ADCK5: variants seen among roughly 807,000 people sequenced by gnomAD.
The protein encoded by ADCK5 is uncharacterized aarF domain-containing protein kinase 5.
In ADCK5, 43 loss-of-function variants were observed where a neutral mutation model predicts 64.9. The observed-to-expected ratio is 0.66, with a 90% CI of 0.52 to 0.85. ADCK5 has a LOEUF of 0.85. Ranked by LOEUF, ADCK5 falls within the 40% of genes least tolerant of loss-of-function variation. The pLI is 0.00. For missense variants in ADCK5, 760 were observed against 810.5 expected (o/e 0.94, Z 0.76); for synonymous variants, 434 against 342.8 (o/e 1.27, Z -2.94).
Position 144,392,171 on chromosome 8 carries a change from G to T in ADCK5, c.1175+1G>T. ...GGCTCTACCAGTTCCTGGAGGAGAA[G>T]TGAGCGCGGGTGGGTGGGCGTGGGG... On this transcript the variant is annotated splice_donor_variant, in intron 11 of 14. Transcript: ENST00000308860. LOFTEE classifies it high-confidence loss of function. 3.2e-6 allele frequency: 5 copies of T among 1,563,878 alleles called. No homozygotes were observed. Among genetic ancestry groups the T allele is most frequent in the Non-Finnish European group, 4.3e-6 (5 of 1,156,284 alleles).
intron 3 of ADCK5, among the ~76,000 whole-genome samples, chr8:144,386,427 G>C (rs1333500456): frequency 6.7e-6 from 1 of 149,942 alleles, no homozygotes; most frequent in East Asian, 2.0e-4. Context: ...GTGGGATCTC[G>C]GCTCACTGCA....
rs1554860865 is a variant in ADCK5 at position 144,391,959 on chromosome 8, A to G, written c.1033A>G (p.Lys345Glu). 4 of 1,612,706 alleles carry G rather than the reference A, an allele frequency of 2.5e-6. No homozygotes were observed. The highest frequency in any genetic ancestry group is 3.4e-6 in the Non-Finnish European group (4 of 1,179,982). The stretch of plus-strand genomic sequence containing the variant: ...TCCCCAGATAGCAGAAAAGCTCATC[A>G]AGGCCTTTGCTGAGCAGATATTTTA... ...AVHDIAEKLIKAFAEQIFYTG... is the reference protein window; with the variant it reads ...AVHDIAEKLIEAFAEQIFYTG... Residue 345 changes from lysine to glutamate, a missense_variant, in exon 10 of 15, where the codon AAG becomes GAG. Transcript: ENST00000308860.
At chr8:144,374,017 C>G (rs1451953585), upstream of ADCK5, 10 of 1,236,374 alleles carry the variant, frequency 8.1e-6, no homozygotes, top group South Asian at 4.1e-5. Context: ...GTGCGCACTA[C>G]GCGCCCTCCC....
In ADCK5 at chr8:144,393,120, A is replaced by C; in HGVS notation, c.*46A>C. The C allele has an allele frequency of 6.7e-7, 1 of 1,481,666 alleles. No homozygotes were observed. The highest frequency in any genetic ancestry group is 9.0e-7 in the Non-Finnish European group (1 of 1,115,128). 91.8% of individuals were successfully genotyped at this position (1,481,666 alleles called of 1,614,324 possible). ...GCGGGGCCCTTTTCACCTTGGGCTG[A>C]CGGAGGTGGCGGGGCTAGAGGTGTA... is the stretch of plus-strand genomic sequence containing the variant. On this transcript the variant is annotated 3_prime_UTR_variant, in exon 15 of 15. Coordinates refer to ENST00000308860, the MANE Select transcript of ADCK5 (RefSeq NM_174922.5).
Position 144,381,560 on chromosome 8 carries a change from A to C in ADCK5, c.117-1521A>C, listed in dbSNP as rs868976440. 8.6e-3 allele frequency among the ~76,000 whole-genome samples: 830 copies of C among 96,724 alleles called. 21 individuals are homozygous for C. Among genetic ancestry groups the C allele is most frequent in the African/African-American group, 0.031 (782 of 25,606 alleles). 63.5% of individuals were successfully genotyped at this position (96,724 alleles called of 152,430 possible). A position where few individuals can be genotyped will look rare whatever the true frequency, so the allele number is the denominator to read the frequency against. ...TGTAGAAACAGATGTGTGCTCAGGC[A>C]CCTGCCGCACTCAGGATTATGGGCC... is the stretch of plus-strand genomic sequence containing the variant. On this transcript the variant is annotated intron_variant, in intron 2 of 14. Coordinates refer to ENST00000308860, the MANE Select transcript of ADCK5 (RefSeq NM_174922.5).
rs782477111 is a variant in ADCK5 at position 144,391,591 on chromosome 8, G to A, written c.810G>A (p.Gly270=). 1.4e-5 allele frequency: 22 copies of A among 1,577,686 alleles called. 1 individual carries two copies. In the South Asian group the frequency reaches 2.4e-4, roughly 17 times the overall value. ...CATCTGGCCCCCAGGACCTGAAGGGGACCCTGGCCCAGGAGCTGGACTTCG... is the reference window on the plus strand; with the variant it reads ...CATCTGGCCCCCAGGACCTGAAGGGAACCCTGGCCCAGGAGCTGGACTTCG... The part of the protein sequence containing the change: ...GFSWVLQDLK[G]TLAQELDFEN... Residue 270 remains glycine (G), a synonymous_variant, in exon 8 of 15, where the codon GGG becomes GGA. Coordinates refer to ENST00000308860, the MANE Select transcript of ADCK5 (RefSeq NM_174922.5).
At position 144,392,432 on chromosome 8, in the gene ADCK5, C is replaced by A; in HGVS notation, c.1268-13C>A. ...TCAGAGCCCCCTCCCTCCCTCCCTC[C>A]CTCCCTCCCCAGACTACCTCCTGTT... On this transcript the variant is annotated splice_polypyrimidine_tract_variant and intron_variant, in intron 12 of 14. Coordinates refer to ENST00000308860, the MANE Select transcript of ADCK5 (RefSeq NM_174922.5). 1 of 1,472,274 alleles carries A rather than the reference C, an allele frequency of 6.8e-7. No homozygotes were observed. The highest frequency in any genetic ancestry group is 2.5e-5 in the East Asian group (1 of 40,036). 91.2% of individuals were successfully genotyped at this position (1,472,274 alleles called of 1,614,324 possible). A position where few individuals can be genotyped will look rare whatever the true frequency, so the allele number is the denominator to read the frequency against.
intron 3 of ADCK5, among the ~76,000 whole-genome samples, chr8:144,385,384 AT>A (rs1819872459): frequency 6.6e-6 from 1 of 151,458 alleles, no homozygotes; most frequent in South Asian, 2.1e-4. Context: ...GGGTTTCGTC[AT>A]GTTGGACAGG....
At chr8:144,388,575 C>G (rs7817189) in intron 3 of ADCK5, among the ~76,000 whole-genome samples, 31 of 151,498 alleles carry the variant, frequency 2.0e-4, no homozygotes, top group Non-Finnish European at 4.0e-4. Context: ...CCATCCTGGC[C>G]AACACGGTGA....
Position 144,374,126 on chromosome 8 carries a change from CG to C in ADCK5, c.12+23del, listed in dbSNP as rs1554856665. 1 of 1,248,528 alleles carries C rather than the reference CG, an allele frequency of 8.0e-7. No homozygotes were observed. Among genetic ancestry groups the C allele is most frequent in the Non-Finnish European group, 1.0e-6 (1 of 988,844 alleles). The allele number at this position is 1,248,528 out of a possible 1,614,324, so 77.3% of individuals were successfully genotyped here. Reference sequence around the variant, plus strand: ...GCGACCGGTGAGGACTCTCCCGGCCCGGGGCGCCCGAGATCCTGCACACCAG... The same window carrying C: ...GCGACCGGTGAGGACTCTCCCGGCCCGGGCGCCCGAGATCCTGCACACCAG... On this transcript the variant is annotated intron_variant, in intron 1 of 14. Coordinates refer to ENST00000308860, the MANE Select transcript of ADCK5 (RefSeq NM_174922.5).
rs546211953 is a variant in ADCK5, at chr8:144,383,202, G to T, written c.238G>T (p.Val80Leu). ...EAREKRRMRL[V>L]VDGMGRFGRS... ...ACGGGAGAAGAGGAGGATGCGGCTC[G>T]TGGTGGATGGCATGGGGCGCTTTGG... The change falls in exon 3 of 15, where the codon GTG becomes TTG. Residue 80 changes from valine to leucine, a missense_variant. By Grantham distance (32) the Val-to-Leu change is conservative (BLOSUM62 1). This residue lies in a region of ADCK5 where 427 missense variants were observed against 518.4 expected (regional missense o/e 0.82). Transcript: ENST00000308860. 1.3e-6 allele frequency: 2 copies of T among 1,594,088 alleles called. No individual in the cohort carries two copies. Among genetic ancestry groups the T allele is most frequent in the Non-Finnish European group, 1.7e-6 (2 of 1,170,118 alleles).
In ADCK5 at chr8:144,390,945, C is replaced by G. The variant is rs1554860320; in HGVS notation, c.432C>G (p.Leu144=). The part of the protein sequence containing the change: ...LVAGAISNGG[L]YVKLGQGLCS... ...CAGGGGCCATCAGCAACGGGGGCCT[C>G]TACGTGAAGCTGGGCCAGGGGCTGT... Residue 144 remains leucine, a synonymous_variant, in exon 5 of 15, where the codon CTC becomes CTG. Coordinates refer to ENST00000308860, the MANE Select transcript of ADCK5 (RefSeq NM_174922.5). 6.2e-7 allele frequency: 1 copy of G among 1,612,914 alleles called. No individual in the cohort carries two copies. The highest frequency in any genetic ancestry group is 2.2e-5 in the East Asian group (1 of 44,898).
intron 1 of ADCK5, among the ~76,000 whole-genome samples, chr8:144,377,683 G>A (rs533973808): frequency 1.6e-4 from 24 of 152,304 alleles, no homozygotes; most frequent in African/African-American, 5.3e-4. Context: ...GCTAGCTGCA[G>A]CATGTCCTCT....
At chr8:144,374,356 C>G (rs1166224806) in intron 1 of ADCK5, among the ~76,000 whole-genome samples, 1 of 152,158 alleles carries the variant, frequency 6.6e-6, no homozygotes, top group East Asian at 1.9e-4. Flanking sequence ...CAGGCGTGAC[C>G]GCTCCCGGCC....
intron 6 of ADCK5, 32 bp downstream of exon 6, chr8:144,391,306 C>A (rs1554860463): frequency 6.2e-7 from 1 of 1,612,130 alleles, no homozygotes; most frequent in South Asian, 1.1e-5. Flanking sequence ...CAGCAGTGGG[C>A]TGGGGCGGGG....
chr8:144,376,934 C>T lies in ADCK5; in HGVS notation c.13-2453C>T, dbSNP rs781944148. Among the ~76,000 whole-genome samples, 17 of 152,354 alleles carry T rather than the reference C, an allele frequency of 1.1e-4. No individual in the cohort carries two copies. The highest frequency in any genetic ancestry group is 2.2e-4 in the Non-Finnish European group (15 of 68,034). On this transcript the variant is annotated intron_variant, in intron 1 of 14. Transcript: ENST00000308860. This position sits in a 1 kb window ranked among gnomAD's most constrained non-coding sequence, Gnocchi z 5.1. The stretch of plus-strand genomic sequence containing the variant: ...CGCCAAGCAGGGGTTTCTGTCAACC[C>T]GCCCTCTAGGGATAAGAGGTCATGG...
intron 1 of ADCK5, chr8:144,375,575 C>G (rs989372329): frequency 2.0e-6 from 2 of 985,340 alleles, no homozygotes; most frequent in Non-Finnish European, 2.4e-6. Context: ...CAGACACGAT[C>G]GGACATGCAT....
Position 144,392,516 on chromosome 8 carries a change from C to T in ADCK5, c.1339C>T (p.Leu447=), listed in dbSNP as rs1554861318. 1.3e-6 allele frequency: 2 copies of T among 1,545,936 alleles called. No individual in the cohort carries two copies. Among genetic ancestry groups the T allele is most frequent in the East Asian group, 4.8e-5 (2 of 41,398 alleles). ...GGGGCAGCTGTGGGGCTCGCACCTA[C>T]TGAGCCGCGAAGAGGCGGCCTACAT... The part of the protein sequence containing the change: ...RLGQLWGSHL[L]SREEAAYMVD... Residue 447 remains leucine, a synonymous_variant, in exon 13 of 15, where the codon CTG becomes TTG. Coordinates refer to ENST00000308860, the MANE Select transcript of ADCK5 (RefSeq NM_174922.5).
At position 144,375,416 on chromosome 8, in the gene ADCK5, A is replaced by C. The variant is rs115643275; in HGVS notation, c.12+1309A>C. On this transcript the variant is annotated intron_variant, in intron 1 of 14. Transcript: ENST00000308860. ...TCAGTTTCCCCTCATGTTGAGGTGC[A>C]CAGTGCTGTTGGGTTCCCCAGGCTC... 1.1e-3 allele frequency: 1,029 copies of C among 959,608 alleles called. 12 individuals are homozygous for C. In the African/African-American group the frequency reaches 0.017, roughly 16 times the overall value. The allele number at this position is 959,608 out of a possible 1,614,324, so 59.4% of individuals were successfully genotyped here. A position where few individuals can be genotyped will look rare whatever the true frequency, so the allele number is the denominator to read the frequency against.
Sources: gnomAD v4.1 joint callset for allele counts (sites outside exome capture counted in the v4.1 genomes callset) on GRCh38, gnomAD v4.1.1 for gene constraint, gnomAD v4.1.1 regional missense constraint, Gnocchi (gnomAD v3.1) non-coding constraint, MANE v1.5 for transcripts, NCBI Gene and HGNC (gene_info 2026-07-23, HGNC 2026-07-21) for gene names.